ALK: variants seen among roughly 807,000 people sequenced by gnomAD.
ALK encodes the protein ALK tyrosine kinase receptor.
Under a neutral mutation model 163.1 loss-of-function variants are expected in ALK, and 74 were observed. The ratio of observed to expected loss-of-function variants is 0.45; its 90% CI spans 0.38 to 0.55. The LOEUF is 0.55. ALK is among the 20% of genes least tolerant of loss of function. ALK has a pLI of 0.00. For synonymous variants in ALK, 960 were observed against 843.2 expected (o/e 1.14, Z -2.40); for missense variants, 2,063 against 2,105.3 (o/e 0.98, Z 0.39).
chr2:29,876,399 A>T (rs1391676162), intron 1 of ALK, among the ~76,000 whole-genome samples: 1 of 147,186 alleles, frequency 6.8e-6, no homozygotes, highest in Admixed American at 6.8e-5. Context: ...GATGGTGATG[A>T]TGGTGGTGAT....
At chr2:29,714,042 C>T (rs1679180287) in intron 2 of ALK, among the ~76,000 whole-genome samples, 1 of 152,052 alleles carries the variant, frequency 6.6e-6, no homozygotes, top group Non-Finnish European at 1.5e-5. Context: ...CCCCGGTGGC[C>T]TCAATCTTTT....
chr2:29,857,595 T>C (rs148630029), intron 1 of ALK, among the ~76,000 whole-genome samples: 22 of 152,206 alleles, frequency 1.4e-4, no homozygotes, highest in African/African-American at 4.6e-4. Context: ...CTCTAGTCCA[T>C]AGGCAAGAGC....
chr2:29,266,366 G>A (rs1259807945), intron 11 of ALK, among the ~76,000 whole-genome samples: 2 of 152,006 alleles, frequency 1.3e-5, no homozygotes, highest in African/African-American at 2.4e-5. Flanking sequence ...ATAGAATTTC[G>A]TGTATACACA....
chr2:29,214,243 T>C (rs763825130), intron 23 of ALK, among the ~76,000 whole-genome samples, 162 bp from the exon 24 acceptor site: 2 of 152,218 alleles, frequency 1.3e-5, no homozygotes, highest in East Asian at 1.9e-4. Context: ...CTGGAGGCAT[T>C]TGAAAGAATT....
At chr2:29,911,495 C>G (rs993943609) in intron 1 of ALK, among the ~76,000 whole-genome samples, 7 of 152,130 alleles carry the variant, frequency 4.6e-5, no homozygotes, top group African/African-American at 1.7e-4. Context: ...CAAGGGCAAC[C>G]CTAAATGCAG....
chr2:29,829,107 T>C (rs974828268), intron 1 of ALK, among the ~76,000 whole-genome samples: 2 of 134,090 alleles, frequency 1.5e-5, no homozygotes, highest in Non-Finnish European at 3.1e-5. Context: ...TAGGTGGAAA[T>C]TGAACAATAA....
At chr2:29,490,040 G>A (rs975038586) in intron 4 of ALK, among the ~76,000 whole-genome samples, 1 of 152,276 alleles carries the variant, frequency 6.6e-6, no homozygotes, top group African/African-American at 2.4e-5. Flanking sequence ...ATGGGCCAGG[G>A]ATTCATGTAC....
chr2:29,193,136 T>C lies in ALK; in HGVS notation c.*88A>G. On this transcript the variant is annotated 3_prime_UTR_variant, in exon 29 of 29. Coordinates refer to ENST00000389048, the MANE Select transcript of ALK (RefSeq NM_004304.5). ...TTGGCACAAAACAAAACGTGACATT[T>C]GGTCTCTGGTTTGTGAAGGAGCCAT... 1 of 1,393,686 alleles carries C rather than the reference T, an allele frequency of 7.2e-7. No homozygotes were observed. The highest frequency in any genetic ancestry group is 1.0e-6 in the Non-Finnish European group (1 of 996,100). The allele number at this position is 1,393,686 out of a possible 1,614,324, so 86.3% of individuals were successfully genotyped here.
intron 4 of ALK, among the ~76,000 whole-genome samples, chr2:29,454,005 A>G (rs4233735): frequency 0.49 from 74,873 of 151,972 alleles, 18,964 homozygotes; most frequent in East Asian, 0.68. Context: ...TGCTCCCCCA[A>G]AAGAGTTCTC....
chr2:29,491,883 T>G (rs1671911948), intron 4 of ALK, among the ~76,000 whole-genome samples: 1 of 152,246 alleles, frequency 6.6e-6, no homozygotes, highest in Admixed American at 6.5e-5. Flanking sequence ...CAAATTTTTC[T>G]CAGGCACTTT....
chr2:29,393,836 T>A lies in ALK; in HGVS notation c.1155-9977A>T, dbSNP rs535924739. Among the ~76,000 whole-genome samples, 7 of 152,308 alleles carry A rather than the reference T, an allele frequency of 4.6e-5. No individual in the cohort carries two copies. The South Asian group carries it at 1.5e-3, about 32-fold the overall frequency. ...TGAAATAGGCAGGAGAACATTTGAA[T>A]ACTTTGGAAAGACTGGTAGCTGGTG... On this transcript the variant is annotated intron_variant, in intron 4 of 28. Coordinates refer to ENST00000389048, the MANE Select transcript of ALK (RefSeq NM_004304.5).
At chr2:29,382,852 G>A (rs763143496) in intron 5 of ALK, among the ~76,000 whole-genome samples, 2 of 152,136 alleles carry the variant, frequency 1.3e-5, no homozygotes, top group East Asian at 1.9e-4. Context: ...ATTAAACAAC[G>A]AAAACAAAAT....
chr2:29,479,152 G>C (rs1338425028), intron 4 of ALK, among the ~76,000 whole-genome samples: 4 of 152,140 alleles, frequency 2.6e-5, no homozygotes, highest in Admixed American at 6.5e-5. Context: ...GAGCACTCAG[G>C]GTTCCCTGAA....
chr2:29,653,684 G>C (rs1411653657), intron 3 of ALK, among the ~76,000 whole-genome samples: 1 of 152,042 alleles, frequency 6.6e-6, no homozygotes, highest in Non-Finnish European at 1.5e-5. Flanking sequence ...TTTATCAGAA[G>C]GTAAAGGAAT....
At chr2:29,242,072 G>A (rs951867065) in intron 12 of ALK, among the ~76,000 whole-genome samples, 10 of 152,166 alleles carry the variant, frequency 6.6e-5, no homozygotes, top group Non-Finnish European at 1.3e-4. Flanking sequence ...TTAAAAGGCT[G>A]AGAAAAAGGA....
At chr2:29,835,995 C>T (rs186622111) in intron 1 of ALK, among the ~76,000 whole-genome samples, 25 of 152,156 alleles carry the variant, frequency 1.6e-4, no homozygotes, top group African/African-American at 5.3e-4. Flanking sequence ...GAGACATCAC[C>T]GAGGCACAAC....
chr2:29,327,595 T>C (rs1667306446), intron 6 of ALK, among the ~76,000 whole-genome samples: 1 of 152,122 alleles, frequency 6.6e-6, no homozygotes, highest in African/African-American at 2.4e-5. Context: ...ATACTACAGG[T>C]TCCTTTTCGG....
At chr2:29,309,462 G>A (rs1205570483) in intron 8 of ALK, among the ~76,000 whole-genome samples, 1 of 152,178 alleles carries the variant, frequency 6.6e-6, no homozygotes, top group Non-Finnish European at 1.5e-5. Context: ...AGTTGTGAAT[G>A]GCTCAAAGGT....
At position 29,826,325 on chromosome 2, in the gene ALK, G is replaced by GT. The variant is rs535948572; in HGVS notation, c.667+93667dup. ...AAAATCAAGCAAAAATAGGAAATACGTCTGCAGTTTGTGGTGTTTGGGCTT... is the reference window on the plus strand; with the variant it reads ...AAAATCAAGCAAAAATAGGAAATACGTTCTGCAGTTTGTGGTGTTTGGGCTT... On this transcript the variant is annotated intron_variant, in intron 1 of 28. Coordinates refer to ENST00000389048, the MANE Select transcript of ALK (RefSeq NM_004304.5). Among the ~76,000 whole-genome samples, 19 of 152,006 alleles carry GT rather than the reference G, an allele frequency of 1.2e-4. No homozygotes were observed. In the East Asian group the frequency reaches 3.1e-3, roughly 25 times the overall value.
Sources: allele counts gnomAD v4.1 joint callset (sites outside exome capture counted in the v4.1 genomes callset), GRCh38; gene constraint gnomAD v4.1.1; transcripts MANE v1.5; gene names NCBI Gene and HGNC (gene_info 2026-07-23, HGNC 2026-07-21).